FBXL7: variants seen among roughly 807,000 people sequenced by gnomAD.
FBXL7 encodes F-box/LRR-repeat protein 7.
A neutral mutation model predicts 38.3 loss-of-function variants in FBXL7; 12 were observed. The ratio of observed to expected loss-of-function variants is 0.31; its 90% CI spans 0.20 to 0.51. FBXL7 has a LOEUF of 0.51. Among genes scored for constraint, FBXL7 ranks in the 20% least tolerant of loss-of-function variants. FBXL7 has a pLI of 0.98. For synonymous variants in FBXL7, 297 were observed against 300.9 expected, an observed-to-expected ratio of 0.99 and a Z score of 0.13; for missense variants, 567 against 676.4, an observed-to-expected ratio of 0.84 and a Z score of 1.79.
At chr5:15,809,068 A>C (rs2126750551) in intron 2 of FBXL7, among the ~76,000 whole-genome samples, 1 of 152,192 alleles carries the variant, frequency 6.6e-6, no homozygotes, top group Non-Finnish European at 1.5e-5. Context: ...CTGCAGGAAT[A>C]TTTTCTTGCT....
chr5:15,665,452 T>C (rs969892386), intron 2 of FBXL7, among the ~76,000 whole-genome samples: 10 of 152,186 alleles, frequency 6.6e-5, no homozygotes, highest in Non-Finnish European at 1.5e-5. Context: ...CTCCTGTCTC[T>C]CCTTGGAATT....
chr5:15,623,597 C>T (rs892891452), intron 2 of FBXL7, among the ~76,000 whole-genome samples: 2 of 152,066 alleles, frequency 1.3e-5, no homozygotes, highest in Non-Finnish European at 2.9e-5. Flanking sequence ...GTTCTGTTGT[C>T]CTTATATCTT....
intron 2 of FBXL7, among the ~76,000 whole-genome samples, chr5:15,617,192 A>G (rs1430229625): frequency 4.6e-5 from 7 of 152,168 alleles, no homozygotes; most frequent in African/African-American, 1.7e-4. Context: ...TTTCTGGGTT[A>G]ATAGCTTTAC....
At chr5:15,733,194 A>G (rs1256258732) in intron 2 of FBXL7, among the ~76,000 whole-genome samples, 1 of 152,048 alleles carries the variant, frequency 6.6e-6, no homozygotes, top group Non-Finnish European at 1.5e-5. Flanking sequence ...CTCGGGTTCA[A>G]TCAATTATCT....
intron 2 of FBXL7, among the ~76,000 whole-genome samples, chr5:15,676,691 G>A (rs1470368895): frequency 6.6e-6 from 1 of 152,192 alleles, no homozygotes; most frequent in Non-Finnish European, 1.5e-5. Context: ...CCAATTACAA[G>A]AGCAGGGCCA....
intron 1 of FBXL7, among the ~76,000 whole-genome samples, chr5:15,517,112 C>T (rs1178971651): frequency 2.0e-5 from 3 of 151,714 alleles, no homozygotes; most frequent in Non-Finnish European, 2.9e-5. Context: ...CTGCAAGCTC[C>T]GCCTCCCGGG....
intron 1 of FBXL7, among the ~76,000 whole-genome samples, chr5:15,557,341 C>T (rs1738276216): frequency 6.6e-6 from 1 of 152,166 alleles, no homozygotes. Flanking sequence ...ATGTTAAATA[C>T]AGAAGTGAGA....
At chr5:15,801,027 A>T (rs1737551377) in intron 2 of FBXL7, among the ~76,000 whole-genome samples, 1 of 152,160 alleles carries the variant, frequency 6.6e-6, no homozygotes, top group Admixed American at 6.5e-5. Flanking sequence ...GCAGGACCTG[A>T]TGTTATGGTC....
intron 1 of FBXL7, among the ~76,000 whole-genome samples, chr5:15,503,437 G>GAAAAC (rs1436216185): frequency 2.6e-4 from 39 of 152,186 alleles, no homozygotes; most frequent in African/African-American, 8.7e-4. Context: ...CAAAACAAAA[G>GAAAAC]AAAACAAAAC....
At chr5:15,578,892 A>G (rs1739048855) in intron 1 of FBXL7, among the ~76,000 whole-genome samples, 3 of 152,266 alleles carry the variant, frequency 2.0e-5, no homozygotes, top group Non-Finnish European at 2.9e-5. Context: ...CATCCATGAC[A>G]TGGAACATTT....
intron 1 of FBXL7, among the ~76,000 whole-genome samples, chr5:15,566,873 T>C (rs924567236): frequency 2.0e-5 from 3 of 152,140 alleles, no homozygotes; most frequent in African/African-American, 4.8e-5. Flanking sequence ...AAATAAAATG[T>C]TGCATTTGTA....
intron 1 of FBXL7, among the ~76,000 whole-genome samples, chr5:15,604,615 A>G (rs888101629): frequency 6.6e-6 from 1 of 152,166 alleles, no homozygotes. Flanking sequence ...TCGGCCTCCC[A>G]AAGTGCTGGG....
chr5:15,830,208 G>A (rs1738415325), intron 2 of FBXL7, among the ~76,000 whole-genome samples: 1 of 152,092 alleles, frequency 6.6e-6, no homozygotes, highest in Non-Finnish European at 1.5e-5. Context: ...AGGTGGCTGG[G>A]CGTGGTGGCT....
At chr5:15,784,801 G>C (rs892876987) in intron 2 of FBXL7, among the ~76,000 whole-genome samples, 4 of 152,164 alleles carry the variant, frequency 2.6e-5, no homozygotes, top group African/African-American at 9.7e-5. Context: ...GCAGAACCAT[G>C]AGCCAATTAA....
rs143922306 is a variant in FBXL7, at chr5:15,892,844, G to A, written c.128-35046G>A. On this transcript the variant is annotated intron_variant, in intron 2 of 3. Coordinates refer to ENST00000504595, the MANE Select transcript of FBXL7 (RefSeq NM_012304.5). ...TAAGAGATCAAGGCTTAGGCCGGGCGCGGTGGCTCACGCCTGTAATCCCAG... is the reference window on the plus strand; with the variant it reads ...TAAGAGATCAAGGCTTAGGCCGGGCACGGTGGCTCACGCCTGTAATCCCAG... Among the ~76,000 whole-genome samples the A allele has an allele frequency of 7.5e-3, 1,145 of 152,222 alleles. 11 individuals are homozygous for A. Among genetic ancestry groups the A allele is most frequent in the African/African-American group, 0.025 (1,030 of 41,530 alleles).
intron 2 of FBXL7, among the ~76,000 whole-genome samples, chr5:15,649,622 A>G (rs112380673): frequency 3.3e-5 from 5 of 152,294 alleles, no homozygotes; most frequent in African/African-American, 1.2e-4. Flanking sequence ...GTATGCCATC[A>G]TAGCTGATGA....
intron 1 of FBXL7, among the ~76,000 whole-genome samples, chr5:15,529,153 A>T (rs1561016456): frequency 6.6e-6 from 1 of 152,180 alleles, no homozygotes; most frequent in Non-Finnish European, 1.5e-5. Flanking sequence ...TTCCACATGT[A>T]AGTGAGATCA....
intron 2 of FBXL7, among the ~76,000 whole-genome samples, chr5:15,782,783 G>T (rs1205272870): frequency 2.0e-5 from 3 of 152,120 alleles, no homozygotes; most frequent in Non-Finnish European, 4.4e-5. Context: ...GTGAAAAGTT[G>T]AGGAATATTT....
At chr5:15,849,470 G>A (rs978443980) in intron 2 of FBXL7, among the ~76,000 whole-genome samples, 1 of 152,092 alleles carries the variant, frequency 6.6e-6, no homozygotes, top group African/African-American at 2.4e-5. Flanking sequence ...TTGTGGGAGT[G>A]GTTTCCCCCA....
Sources: allele counts gnomAD v4.1 joint callset (sites outside exome capture counted in the v4.1 genomes callset), GRCh38; gene constraint gnomAD v4.1.1; transcripts MANE v1.5; gene names NCBI Gene and HGNC (gene_info 2026-07-23, HGNC 2026-07-21).